PAFAH1B2: variants seen among roughly 807,000 people sequenced by gnomAD.
The protein encoded by PAFAH1B2 is platelet activating factor acetylhydrolase 1b catalytic subunit 2.
PAFAH1B2 carries 8 observed loss-of-function variants against 28.0 expected under a neutral mutation model. The ratio of observed to expected loss-of-function variants is 0.29; its 90% CI spans 0.17 to 0.52. PAFAH1B2 has a LOEUF of 0.52. Among genes scored for constraint, PAFAH1B2 ranks in the 20% least tolerant of loss-of-function variants. The probability of loss-of-function intolerance (pLI) is 0.97; values close to 1 mark genes in which losing one functional copy is unlikely to be tolerated. For missense variants in PAFAH1B2, 190 were observed against 282.6 expected (o/e 0.67, Z 2.35); for synonymous variants, 104 against 103.2 (o/e 1.01, Z -0.05).
intron 2 of PAFAH1B2, among the ~76,000 whole-genome samples, chr11:117,157,354 C>A (rs981662684): frequency 6.6e-6 from 1 of 151,926 alleles, no homozygotes; most frequent in South Asian, 2.1e-4. Flanking sequence ...GTTGCCCAGG[C>A]TGGTCTTGAA....
At position 117,144,356 on chromosome 11, in the gene PAFAH1B2, G is replaced by GCGAC; in HGVS notation, c.-65_-62dup. 2.4e-6 allele frequency: 1 copy of GCGAC among 420,704 alleles called. No individual in the cohort carries two copies. The highest frequency in any genetic ancestry group is 4.8e-6 in the Non-Finnish European group (1 of 206,872). 26.1% of individuals were successfully genotyped at this position (420,704 alleles called of 1,614,324 possible). A position where few individuals can be genotyped will look rare whatever the true frequency, so the allele number is the denominator to read the frequency against. On this transcript the variant is annotated 5_prime_UTR_variant, in exon 1 of 6. Transcript: ENST00000527958. Reference sequence around the variant, plus strand: ...GAGCGGGACCGACGGGACCGAGCGAGCGACCGACGCGCCACCCGCCGACGC... The same window carrying GCGAC: ...GAGCGGGACCGACGGGACCGAGCGAGCGACCGACCGACGCGCCACCCGCCGACGC...
chr11:117,167,270 C>T (rs566492013), intron 5 of PAFAH1B2, 151 bp from the exon 6 acceptor site: 14 of 794,846 alleles, frequency 1.8e-5, no homozygotes, highest in South Asian at 8.1e-5. Flanking sequence ...AAATGGTTAG[C>T]TTTCATTCAA....
intron 1 of PAFAH1B2, among the ~76,000 whole-genome samples, chr11:117,149,660 C>T (rs1447591935): frequency 4.7e-5 from 7 of 147,856 alleles, no homozygotes; most frequent in Non-Finnish European, 1.0e-4. Flanking sequence ...TCTCGATCTC[C>T]TGACCTCGTG....
downstream of PAFAH1B2, chr11:117,175,665 C>A: frequency 7.7e-7 from 1 of 1,301,006 alleles, no homozygotes; most frequent in Non-Finnish European, 9.9e-7. Context: ...TTCTGGAGTG[C>A]CCCGTTAAAT....
At chr11:117,163,409 C>T (rs892739992) in intron 4 of PAFAH1B2, among the ~76,000 whole-genome samples, 2 of 152,180 alleles carry the variant, frequency 1.3e-5, no homozygotes, top group African/African-American at 4.8e-5. Flanking sequence ...TGGTGGCTCA[C>T]ACCTGTAATC....
chr11:117,163,886 T>C lies in PAFAH1B2; in HGVS notation c.405T>C (p.Ile135=). 6.2e-7 allele frequency: 1 copy of C among 1,613,812 alleles called. No homozygotes were observed. The highest frequency in any genetic ancestry group is 8.5e-7 in the Non-Finnish European group (1 of 1,179,794). The change falls in exon 5 of 6, where the codon ATT becomes ATC. Residue 135 remains isoleucine, a synonymous_variant. Transcript: ENST00000527958. The stretch of plus-strand genomic sequence containing the variant: ...CAAGGCAGCCACAGGCCAAAATCAT[T>C]GTATTGGTATGTAGTCGTTGGTGGG... ...INTRQPQAKI[I]VLGLLPRGEK...
intron 1 of PAFAH1B2, among the ~76,000 whole-genome samples, chr11:117,149,646 A>C (rs1956102200): frequency 6.7e-6 from 1 of 148,852 alleles, no homozygotes; most frequent in Non-Finnish European, 1.5e-5. Context: ...GTTAGCCAGG[A>C]TGGTCTCGAT....
At chr11:117,173,151 T>C (rs1956709443), downstream of PAFAH1B2, among the ~76,000 whole-genome samples, 1 of 152,238 alleles carries the variant, frequency 6.6e-6, no homozygotes, top group African/African-American at 2.4e-5. Context: ...ACCAGCCTTG[T>C]TTCCTGGAAA....
chr11:117,158,036 G>A (rs1489575194), intron 2 of PAFAH1B2, among the ~76,000 whole-genome samples: 1 of 152,112 alleles, frequency 6.6e-6, no homozygotes, highest in East Asian at 1.9e-4. Context: ...TACTCGGGAG[G>A]CTGAGGCACA....
At chr11:117,167,392 C>G (rs1956536607) in intron 5 of PAFAH1B2, 29 bp from the exon 6 acceptor site, 6 of 1,509,156 alleles carry the variant, frequency 4.0e-6, no homozygotes, top group Non-Finnish European at 5.3e-6. Flanking sequence ...AGTGAATCTT[C>G]TAATTTAATG....
Position 117,169,807 on chromosome 11 carries a change from GAC to G in PAFAH1B2, c.*2110_*2111del. 2 of 1,056,138 alleles carry G rather than the reference GAC, an allele frequency of 1.9e-6. No homozygotes were observed. The highest frequency in any genetic ancestry group is 2.3e-6 in the Non-Finnish European group (2 of 873,606). 65.4% of individuals were successfully genotyped at this position (1,056,138 alleles called of 1,614,324 possible). On this transcript the variant is annotated 3_prime_UTR_variant, in exon 6 of 6. Coordinates refer to ENST00000527958, the MANE Select transcript of PAFAH1B2 (RefSeq NM_002572.4). ...TAAGCCAGATTTTTGTGTGTGGAAA[GAC>G]AGTTTTCTATCCACGTCTTTTTCTG...
rs1956617420 is a variant in PAFAH1B2 at position 117,170,180 on chromosome 11, T to A, written c.*2481T>A. 1.4e-5 allele frequency: 15 copies of A among 1,056,274 alleles called. No homozygotes were observed. The highest frequency in any genetic ancestry group is 5.4e-5 in the Admixed American group (1 of 18,408). The allele number at this position is 1,056,274 out of a possible 1,614,324, so 65.4% of individuals were successfully genotyped here. On this transcript the variant is annotated 3_prime_UTR_variant, in exon 6 of 6. Coordinates refer to ENST00000527958, the MANE Select transcript of PAFAH1B2 (RefSeq NM_002572.4). The stretch of plus-strand genomic sequence containing the variant: ...TCCTAGTTTGCGTCAGTGACAGAAC[T>A]TACTGCTTAGTCTTTGTACTTTTTA...
rs1475225958 is a variant in PAFAH1B2, at chr11:117,163,772, C to T, written c.291C>T (p.Val97=). ...CCCCCTTTTTTCTTCAATTGCAGGT[C>T]ATTGTTGTCTGGGTAGGAACAAATA... ...NGELENIKPK[V]IVVWVGTNNH... Residue 97 remains valine, a splice_region_variant and synonymous_variant, in exon 5 of 6, where the codon GTC becomes GTT. Transcript: ENST00000527958. The T allele has an allele frequency of 1.9e-6, 3 of 1,612,986 alleles. No homozygotes were observed. In the African/African-American group the frequency reaches 4.0e-5, roughly 22 times the overall value.
At position 117,163,905 on chromosome 11, in the gene PAFAH1B2, T is replaced by C. The variant is rs200555072; in HGVS notation, c.411+13T>C. On this transcript the variant is annotated intron_variant, in intron 5 of 5. Transcript: ENST00000527958. ...AATCATTGTATTGGTATGTAGTCGT[T>C]GGTGGGTAGAGAGTTTGTTATCTTT... 492 of 1,612,322 alleles carry C rather than the reference T, an allele frequency of 3.1e-4. 3 individuals carry two copies. The highest frequency in any genetic ancestry group is 6.6e-4 in the Middle Eastern group (4 of 6,082).
At chr11:117,152,981 G>T (rs954897886) in intron 2 of PAFAH1B2, among the ~76,000 whole-genome samples, 2 of 152,110 alleles carry the variant, frequency 1.3e-5, no homozygotes, top group African/African-American at 4.8e-5. Flanking sequence ...CAGGAGAATC[G>T]CTTGAACCCA....
intron 5 of PAFAH1B2, among the ~76,000 whole-genome samples, chr11:117,166,837 A>G (rs910187166): frequency 6.6e-6 from 1 of 152,200 alleles, no homozygotes; most frequent in Non-Finnish European, 1.5e-5. Flanking sequence ...AAGGGTAGAC[A>G]ACGTTGGAGG....
chr11:117,153,766 C>T (rs1956205412), intron 2 of PAFAH1B2, among the ~76,000 whole-genome samples: 1 of 151,992 alleles, frequency 6.6e-6, no homozygotes, highest in African/African-American at 2.4e-5. Flanking sequence ...TTTCCCTTAT[C>T]CCTGAATATT....
At chr11:117,175,902 T>G, downstream of PAFAH1B2, 1 of 1,535,792 alleles carries the variant, frequency 6.5e-7, no homozygotes, top group Non-Finnish European at 8.7e-7. Context: ...TCTTAATGTT[T>G]CAGATTATTT....
chr11:117,174,373 G>T (rs1214022148), downstream of PAFAH1B2, among the ~76,000 whole-genome samples: 1 of 151,708 alleles, frequency 6.6e-6, no homozygotes, highest in African/African-American at 2.4e-5. Flanking sequence ...TATCAGAGAC[G>T]GGGTTTCACC....
Sources: allele counts gnomAD v4.1 joint callset (sites outside exome capture counted in the v4.1 genomes callset), GRCh38; gene constraint gnomAD v4.1.1; transcripts MANE v1.5; gene names NCBI Gene and HGNC (gene_info 2026-07-23, HGNC 2026-07-21).